Variants in ST14 observed in about 807,000 individuals in gnomAD.
ST14 encodes ST14 transmembrane serine protease matriptase, also known as suppressor of tumorigenicity 14 protein.
ST14 carries 40 observed loss-of-function variants against 96.5 expected under a neutral mutation model. The ratio of observed to expected loss-of-function variants is 0.41; its 90% CI spans 0.32 to 0.54. ST14 has a LOEUF of 0.54. ST14 is among the 20% of genes least tolerant of loss of function. ST14 has a pLI of 0.17. For missense variants in ST14, 1,066 were observed against 1,188.9 expected (o/e 0.90, Z 1.52); for synonymous variants, 506 against 492.1 (o/e 1.03, Z -0.37).
chr11:130,191,340 T>C (rs1442272261), intron 7 of ST14, among the ~76,000 whole-genome samples: 2 of 150,094 alleles, frequency 1.3e-5, no homozygotes, highest in African/African-American at 2.5e-5. Flanking sequence ...TCAGGCCACA[T>C]GAGGAAACAC....
chr11:130,198,820 C>T lies in ST14; in HGVS notation c.1685-127C>T, dbSNP rs1334516088. On this transcript the variant is annotated intron_variant, in intron 14 of 18. Coordinates refer to ENST00000278742, the MANE Select transcript of ST14 (RefSeq NM_021978.4). ...GTAGCAGGGCAGGGAGGCCAGTGGG[C>T]GTGGGTGGGGCAGGCCTGGGTGAGG... 50 of 1,580,588 alleles carry T rather than the reference C, an allele frequency of 3.2e-5. 1 individual carries two copies. Among genetic ancestry groups the T allele is most frequent in the Middle Eastern group, 3.3e-4 (2 of 6,018 alleles).
chr11:130,165,686 G>A (rs1270324757), intron 1 of ST14, among the ~76,000 whole-genome samples: 1 of 152,130 alleles, frequency 6.6e-6, no homozygotes, highest in African/African-American at 2.4e-5. Flanking sequence ...TTGAAAGGGT[G>A]GAGAAGAATG....
At position 130,210,269 on chromosome 11, in the gene ST14, G is replaced by T. The variant is rs1004558753; in HGVS notation, c.*446G>T. 2 of 172,362 alleles carry T rather than the reference G, an allele frequency of 1.2e-5. No homozygotes were observed. The highest frequency in any genetic ancestry group is 4.8e-5 in the African/African-American group (2 of 42,004). 10.7% of individuals were successfully genotyped at this position (172,362 alleles called of 1,614,324 possible). On this transcript the variant is annotated 3_prime_UTR_variant, in exon 19 of 19. Coordinates refer to ENST00000278742, the MANE Select transcript of ST14 (RefSeq NM_021978.4). ...CAGGCTCGGAGGACCCTGGAAAACA[G>T]ACGGGTCTGAGACTGAAATTGTTTT...
intron 1 of ST14, among the ~76,000 whole-genome samples, chr11:130,176,042 T>A (rs192577580): frequency 6.6e-6 from 1 of 151,420 alleles, no homozygotes; most frequent in Admixed American, 6.6e-5. Context: ...CGTGTAGGGA[T>A]GCAATGCGTT....
rs929777574 is a variant in ST14, at chr11:130,188,595, G to C, written c.307G>C (p.Asp103His). The C allele has an allele frequency of 3.7e-6, 6 of 1,614,112 alleles. No homozygotes were observed. Among genetic ancestry groups the C allele is most frequent in the Admixed American group, 1.7e-5 (1 of 60,012 alleles). The part of the protein sequence containing the change: ...YMRITNENFV[D>H]AYENSNSTEF... ...GAGGATCACAAATGAGAATTTTGTGGATGCCTACGAGAACTCCAACTCCAC... is the reference window on the plus strand; with the variant it reads ...GAGGATCACAAATGAGAATTTTGTGCATGCCTACGAGAACTCCAACTCCAC... Residue 103 changes from aspartate to histidine, a missense_variant, in exon 3 of 19, where the codon GAT becomes CAT. Asp to His is a moderately conservative substitution (Grantham distance 81). Coordinates refer to ENST00000278742, the MANE Select transcript of ST14 (RefSeq NM_021978.4). The surrounding 1 kb of genome is among the most constrained non-coding windows in gnomAD (Gnocchi z 5.4).
intron 1 of ST14, among the ~76,000 whole-genome samples, chr11:130,176,788 CTTTTTTTTTTTTTT>C (rs56764956): frequency 3.4e-5 from 2 of 59,256 alleles, no homozygotes; most frequent in South Asian, 5.7e-4. Context: ...TAGGGCTTAA[CTTTTTTTTTTTTTT>C]TTTTTTTTTT....
rs76803199 is a variant in ST14, at chr11:130,189,040, G to T, written c.440+101G>T. On this transcript the variant is annotated intron_variant, in intron 4 of 18. Transcript: ENST00000278742. ...CAGGAAGCGGGAGATGGTGCTGGAG[G>T]TCCTGGCCTGGAGAGCCAAGGAGGG... 1,218 of 1,328,160 alleles carry T rather than the reference G, an allele frequency of 9.2e-4. 19 individuals are homozygous for T. The African/African-American group carries it at 0.015, about 17-fold the overall frequency. The allele number at this position is 1,328,160 out of a possible 1,614,324, so 82.3% of individuals were successfully genotyped here.
chr11:130,177,097 G>A (rs74547004), intron 1 of ST14, among the ~76,000 whole-genome samples: 2,768 of 151,720 alleles, frequency 0.018, 36 homozygotes, highest in Non-Finnish European at 0.027. Flanking sequence ...CGTGCCTGGC[G>A]GGGCTTAACA....
chr11:130,161,019 G>T (rs943488152), intron 1 of ST14, among the ~76,000 whole-genome samples: 3 of 152,138 alleles, frequency 2.0e-5, no homozygotes, highest in African/African-American at 7.2e-5. Context: ...CTCCTTCCGG[G>T]TGCCCCTGGG....
intron 9 of ST14, 122 bp downstream of exon 9, chr11:130,194,859 T>C (rs117160132): frequency 4.2e-5 from 5 of 119,514 alleles, no homozygotes; most frequent in Non-Finnish European, 5.2e-5. Context: ...TGCATGTGTG[T>C]GTGTGTGTGT....
At chr11:130,191,325 C>T (rs1205368027) in intron 7 of ST14, among the ~76,000 whole-genome samples, 2 of 152,074 alleles carry the variant, frequency 1.3e-5, no homozygotes, top group Admixed American at 1.3e-4. Flanking sequence ...GAGAAAGAAC[C>T]TGCCTCAGGC....
intron 1 of ST14, among the ~76,000 whole-genome samples, chr11:130,163,927 G>A (rs770916798): frequency 6.6e-5 from 10 of 152,170 alleles, no homozygotes; most frequent in Non-Finnish European, 1.2e-4. Context: ...GAAGGAGAAC[G>A]AGTCACAGCT....
At chr11:130,161,834 A>G in intron 1 of ST14, among the ~76,000 whole-genome samples, 1 of 152,212 alleles carries the variant, frequency 6.6e-6, no homozygotes. Flanking sequence ...GACCAGTAAG[A>G]TGTGGTTGTT....
chr11:130,172,525 C>T (rs1953102039), intron 1 of ST14, among the ~76,000 whole-genome samples: 1 of 149,060 alleles, frequency 6.7e-6, no homozygotes, highest in Admixed American at 6.8e-5. Flanking sequence ...TCACGCCTTT[C>T]TCCTGCCTCA....
intron 1 of ST14, among the ~76,000 whole-genome samples, chr11:130,183,142 T>A (rs1953209837): frequency 5.3e-5 from 8 of 151,810 alleles, no homozygotes; most frequent in Admixed American, 5.2e-4. Context: ...GTATTTTTAG[T>A]AGAGATGGGG....
chr11:130,179,134 C>A (rs1341980567), intron 1 of ST14, among the ~76,000 whole-genome samples: 2 of 152,190 alleles, frequency 1.3e-5, no homozygotes, highest in Non-Finnish European at 2.9e-5. Flanking sequence ...GTTTCTCCAA[C>A]TTTCAGGTTC....
intron 1 of ST14, among the ~76,000 whole-genome samples, chr11:130,176,906 C>T (rs933607019): frequency 3.5e-5 from 5 of 140,986 alleles, no homozygotes; most frequent in African/African-American, 1.3e-4. Context: ...TCTAGTGATT[C>T]TCCTGCTTCA....
chr11:130,185,528 C>A (rs547992008), intron 1 of ST14, among the ~76,000 whole-genome samples: 1 of 152,166 alleles, frequency 6.6e-6, no homozygotes, highest in East Asian at 1.9e-4. Flanking sequence ...CGGTGGTGTA[C>A]AGCTATAGTC....
chr11:130,184,689 AG>A (rs1953222150), intron 1 of ST14, among the ~76,000 whole-genome samples: 1 of 152,328 alleles, frequency 6.6e-6, no homozygotes, highest in Admixed American at 6.5e-5. Flanking sequence ...AAAAAGACAA[AG>A]GCCCCAGCAG....
Sources: gnomAD v4.1 joint callset for allele counts (sites outside exome capture counted in the v4.1 genomes callset) on GRCh38, gnomAD v4.1.1 for gene constraint, Gnocchi (gnomAD v3.1) non-coding constraint, MANE v1.5 for transcripts, NCBI Gene and HGNC (gene_info 2026-07-23, HGNC 2026-07-21) for gene names.